The following FAM221B variants were observed in gnomAD, a reference collection of about 807,000 sequenced individuals.
The protein encoded by FAM221B is protein FAM221B.
Under a neutral mutation model 39.8 loss-of-function variants are expected in FAM221B, and 35 were observed. The ratio of observed to expected loss-of-function variants is 0.88; its 90% CI spans 0.67 to 1.17. The LOEUF is 1.17. FAM221B is among the 50% of genes most tolerant of loss of function. The probability of loss-of-function intolerance (pLI) is 0.00; values close to 1 mark genes in which losing one functional copy is unlikely to be tolerated. For synonymous variants in FAM221B, 158 were observed against 178.1 expected, an observed-to-expected ratio of 0.89 and a Z score of 0.90; for missense variants, 479 against 503.1, an observed-to-expected ratio of 0.95 and a Z score of 0.46.
rs760807856 is a variant in FAM221B, at chr9:35,819,240, G to A, written c.1008C>T (p.His336=). 2.4e-5 allele frequency: 37 copies of A among 1,551,598 alleles called. No individual in the cohort carries two copies. The highest frequency in any genetic ancestry group is 1.1e-4 in the South Asian group (9 of 84,068). Residue 336 remains histidine, a synonymous_variant, in exon 5 of 7, where the codon CAC becomes CAT. Transcript: ENST00000423537. The stretch of plus-strand genomic sequence containing the variant: ...GGGGCCCAGTGGCTGCATGTTCTTC[G>A]TGGCTGTGTTTGCAGCGACATTGGG... ...WRAQCRCKHS[H]EEHAATGPHP... is the part of the protein sequence containing the mutation.
At chr9:35,820,808 T>C (rs1436864044) in intron 3 of FAM221B, among the ~76,000 whole-genome samples, 1 of 152,174 alleles carries the variant, frequency 6.6e-6, no homozygotes, top group Non-Finnish European at 1.5e-5. Flanking sequence ...CCTCGAGAGC[T>C]GGTGTTCAGC....
At chr9:35,821,599 G>A (rs766074518) in intron 3 of FAM221B, 4 of 1,367,864 alleles carry the variant, frequency 2.9e-6, no homozygotes, top group South Asian at 2.3e-5. Flanking sequence ...GCGGGAGCCA[G>A]GATTCCACTA....
chr9:35,818,685 A>G (rs1167148528), intron 6 of FAM221B, among the ~76,000 whole-genome samples, 179 bp from the exon 7 acceptor site: 2 of 152,350 alleles, frequency 1.3e-5, no homozygotes, highest in Middle Eastern at 3.4e-3. Context: ...TTCTCGGAGC[A>G]CAGCCATCTC....
intron 3 of FAM221B, among the ~76,000 whole-genome samples, chr9:35,822,435 T>G (rs2132144295): frequency 6.6e-6 from 1 of 152,234 alleles, no homozygotes; most frequent in South Asian, 2.1e-4. Context: ...TTTGACAGAG[T>G]CTCGCTCTGT....
chr9:35,819,782 G>A (rs1829105311), intron 4 of FAM221B, 108 bp downstream of exon 4: 1 of 746,472 alleles, frequency 1.3e-6, no homozygotes, highest in African/African-American at 1.7e-5. Flanking sequence ...TGGGATTACA[G>A]GGGTGAGCCA....
Position 35,818,391 on chromosome 9 carries a change from G to A in FAM221B, c.*78C>T. On this transcript the variant is annotated 3_prime_UTR_variant, in exon 7 of 7. Transcript: ENST00000423537. The stretch of plus-strand genomic sequence containing the variant: ...CTAAGTTATTAGGCAGTCTCTCCCT[G>A]GGCTGGGATCTACCTGCCCCATATA... 8.2e-6 allele frequency: 11 copies of A among 1,345,106 alleles called. No homozygotes were observed. Among genetic ancestry groups the A allele is most frequent in the Non-Finnish European group, 1.1e-5 (11 of 959,476 alleles). The allele number at this position is 1,345,106 out of a possible 1,614,324, so 83.3% of individuals were successfully genotyped here.
intron 1 of FAM221B, among the ~76,000 whole-genome samples, chr9:35,827,736 T>C (rs1446600977): frequency 6.6e-6 from 1 of 152,238 alleles, no homozygotes; most frequent in Non-Finnish European, 1.5e-5. Context: ...TGAGGATTCC[T>C]GCCTTAACTT....
chr9:35,823,293 G>A (rs867551666), intron 3 of FAM221B, among the ~76,000 whole-genome samples: 92 of 152,058 alleles, frequency 6.1e-4, no homozygotes, highest in South Asian at 2.1e-4. Context: ...GTACTTATTG[G>A]TATCTCTCAT....
rs527851027 is a variant in FAM221B, at chr9:35,821,409, G to A, written c.743-1409C>T. 5.4e-4 allele frequency: 739 copies of A among 1,360,398 alleles called. 10 individuals are homozygous for A. In the South Asian group the frequency reaches 6.3e-3, roughly 12 times the overall value. 84.3% of individuals were successfully genotyped at this position (1,360,398 alleles called of 1,614,324 possible). On this transcript the variant is annotated intron_variant, in intron 3 of 6. Transcript: ENST00000423537. ...GGTCAGGGCCACAATTCACAATTCC[G>A]TGCCTCAGATTAAGTTTTCTTGTCT...
intron 1 of FAM221B, among the ~76,000 whole-genome samples, chr9:35,826,426 C>T (rs1262792808): frequency 1.3e-5 from 2 of 152,162 alleles, no homozygotes; most frequent in Non-Finnish European, 2.9e-5. Context: ...TAGTTCGAAT[C>T]CCATCAGTAG....
rs778177155 is a variant in FAM221B, at chr9:35,825,605, C to G, written c.557G>C (p.Ser186Thr). ...TTGGGCTGTGTGAGCAGTGCTGTCA[C>G]TGGCATCTACTCCCTTTTCAACCTC... is the stretch of plus-strand genomic sequence containing the variant. ...AGEVEKGVDASDSTAHTAQPG... is the reference protein window; with the variant it reads ...AGEVEKGVDATDSTAHTAQPG... The change falls in exon 2 of 7, where the codon AGT becomes ACT. Residue 186 changes from serine (S) to threonine (T), a missense_variant. Coordinates refer to ENST00000423537, the MANE Select transcript of FAM221B (RefSeq NM_001012446.4). This position sits in a 1 kb window ranked among gnomAD's most constrained non-coding sequence, Gnocchi z 4.2. 6.2e-7 allele frequency: 1 copy of G among 1,613,934 alleles called. No individual in the cohort carries two copies. The highest frequency in any genetic ancestry group is 1.7e-5 in the Admixed American group (1 of 60,016).
At chr9:35,819,768 G>C (rs1272059781) in intron 4 of FAM221B, 122 bp downstream of exon 4, 1 of 684,308 alleles carries the variant, frequency 1.5e-6, no homozygotes, top group South Asian at 1.8e-5. Flanking sequence ...GCCTCCCAAA[G>C]TGCTGGGATT....
chr9:35,825,175 A>G lies in FAM221B; in HGVS notation c.742+55T>C. 6.2e-7 allele frequency: 1 copy of G among 1,603,456 alleles called. No homozygotes were observed. Among genetic ancestry groups the G allele is most frequent in the Non-Finnish European group, 8.5e-7 (1 of 1,172,946 alleles). On this transcript the variant is annotated intron_variant, in intron 3 of 6. Transcript: ENST00000423537. This position sits in a 1 kb window ranked among gnomAD's most constrained non-coding sequence, Gnocchi z 4.2. ...ATGTTCAGGTTCCCAGATCTTTTGG[A>G]TTAGAGGATGCCCATGGGCCTGTCA... is the stretch of plus-strand genomic sequence containing the variant.
At chr9:35,827,938 G>A (rs761651889) in intron 1 of FAM221B, among the ~76,000 whole-genome samples, 15 of 152,122 alleles carry the variant, frequency 9.9e-5, no homozygotes, top group Non-Finnish European at 2.2e-4. Flanking sequence ...GATGGGAGGT[G>A]AGGAAGGGGA....
rs548391383 is a variant in FAM221B, at chr9:35,826,986, T to C, written c.1-825A>G. On this transcript the variant is annotated intron_variant, in intron 1 of 6. Transcript: ENST00000423537. ...CATGCCCGGCTAAGTTTTATATTTTTAGTAGAGACGGGGTTTCACCATGTT... is the reference window on the plus strand; with the variant it reads ...CATGCCCGGCTAAGTTTTATATTTTCAGTAGAGACGGGGTTTCACCATGTT... 2.0e-5 allele frequency: 3 copies of C among 152,362 alleles called. No homozygotes were observed. In the East Asian group the frequency reaches 5.8e-4, roughly 29 times the overall value. 9.4% of individuals were successfully genotyped at this position (152,362 alleles called of 1,614,324 possible).
chr9:35,821,446 T>C (rs774848467), intron 3 of FAM221B: 3 of 1,367,866 alleles, frequency 2.2e-6, no homozygotes, highest in Non-Finnish European at 2.9e-6. Context: ...ACCCATAGTC[T>C]GTCAGGATCT....
At chr9:35,820,638 G>T (rs987164732) in intron 3 of FAM221B, among the ~76,000 whole-genome samples, 1 of 152,176 alleles carries the variant, frequency 6.6e-6, no homozygotes, top group African/African-American at 2.4e-5. Context: ...CCTAAGAAGG[G>T]CTGCCAAAGG....
At chr9:35,824,020 G>A (rs1439585235) in intron 3 of FAM221B, among the ~76,000 whole-genome samples, 1 of 151,884 alleles carries the variant, frequency 6.6e-6, no homozygotes, top group Non-Finnish European at 1.5e-5. Context: ...AACAAAGTTG[G>A]TGGTGGGGCG....
At chr9:35,818,809 G>A (rs1829070498) in intron 6 of FAM221B, 81 bp downstream of exon 6, 2 of 1,531,278 alleles carry the variant, frequency 1.3e-6, no homozygotes, top group Non-Finnish European at 1.8e-6. Flanking sequence ...GGAAGGGATG[G>A]TTGAGGATGG....
Sources: gnomAD v4.1 joint callset for allele counts (sites outside exome capture counted in the v4.1 genomes callset) on GRCh38, gnomAD v4.1.1 for gene constraint, Gnocchi (gnomAD v3.1) non-coding constraint, MANE v1.5 for transcripts, NCBI Gene and HGNC (gene_info 2026-07-23, HGNC 2026-07-21) for gene names.